PRKD3: variants seen among roughly 807,000 people sequenced by gnomAD.
The protein encoded by PRKD3 is protein kinase D3, also known as serine/threonine-protein kinase D3.
Under a neutral mutation model 99.2 loss-of-function variants are expected in PRKD3, and 47 were observed. The observed-to-expected ratio is 0.47, with a 90% CI of 0.38 to 0.60. The LOEUF (loss-of-function observed/expected upper bound fraction) is 0.60. PRKD3 is among the 20% of genes least tolerant of loss of function. PRKD3 has a pLI of 0.00. For missense variants in PRKD3, 1,019 were observed against 1,088.4 expected (o/e 0.94, Z 0.90); for synonymous variants, 392 against 355.4 (o/e 1.10, Z -1.16).
At chr2:37,292,791 G>T (rs1299407014) in intron 3 of PRKD3, among the ~76,000 whole-genome samples, 1 of 151,802 alleles carries the variant, frequency 6.6e-6, no homozygotes, top group Non-Finnish European at 1.5e-5. Flanking sequence ...GACTACAGTT[G>T]CATGTGACCA....
intron 15 of PRKD3, 150 bp downstream of exon 15, chr2:37,260,073 G>A (rs767117079): frequency 2.9e-6 from 2 of 695,390 alleles, no homozygotes; most frequent in East Asian, 2.8e-5. Context: ...GCTGAGGCAT[G>A]AGAATCACTT....
chr2:37,278,934 CA>C (rs68129967), intron 8 of PRKD3: 95,990 of 135,560 alleles, frequency 0.71, 32,914 homozygotes, highest in East Asian at 0.97. Context: ...GACTCTGTCT[CA>C]AAAAAAAAAA....
At chr2:37,282,704 A>T (rs1669907992) in intron 6 of PRKD3, 85 bp from the exon 7 acceptor site, 6 of 927,318 alleles carry the variant, frequency 6.5e-6, no homozygotes, top group Non-Finnish European at 1.1e-5. Flanking sequence ...ATCACTCACA[A>T]ACAGAATATT....
rs1038605103 is a variant in PRKD3, at chr2:37,283,124, A to T, written c.911-505T>A. Among the ~76,000 whole-genome samples, 58 of 152,316 alleles carry T rather than the reference A, an allele frequency of 3.8e-4. 1 individual carries two copies. The highest frequency in any genetic ancestry group is 3.4e-3 in the Middle Eastern group (1 of 294). On this transcript the variant is annotated intron_variant, in intron 6 of 18. Transcript: ENST00000234179. ...TAATGGTTCTCTTCAGCCTAAAACA[A>T]ACCTCAGAGTTGATAGCATTGCAGA...
At chr2:37,320,698 C>G (rs1340270235) in intron 1 of PRKD3, among the ~76,000 whole-genome samples, 1 of 152,086 alleles carries the variant, frequency 6.6e-6, no homozygotes, top group Non-Finnish European at 1.5e-5. Context: ...TCCCAAAGTG[C>G]TGGGATTACA....
At chr2:37,315,320 G>A (rs942741460) in intron 2 of PRKD3, among the ~76,000 whole-genome samples, 1 of 152,204 alleles carries the variant, frequency 6.6e-6, no homozygotes, top group African/African-American at 2.4e-5. Flanking sequence ...ACGGTACAGG[G>A]AAGGAGGGTG....
intron 2 of PRKD3, among the ~76,000 whole-genome samples, chr2:37,312,123 C>A (rs545585245): frequency 3.3e-4 from 50 of 152,178 alleles, no homozygotes; most frequent in African/African-American, 8.7e-4. Flanking sequence ...TTTAAAAAAG[C>A]TAACCAGGAA....
Position 37,277,892 on chromosome 2 carries a change from C to G in PRKD3, c.1270G>C (p.Val424Leu). The G allele has an allele frequency of 6.2e-7, 1 of 1,613,674 alleles. No individual in the cohort carries two copies. The highest frequency in any genetic ancestry group is 8.5e-7 in the Non-Finnish European group (1 of 1,179,742). ...SSTMVKEGWMVHYTSRDNLRK... is the reference protein window; with the variant it reads ...SSTMVKEGWMLHYTSRDNLRK... Reference sequence around the variant, plus strand: ...AGGTTATCCCTGCTGGTGTAATGGACCATCCACCCTTCCTTCACCATTGTG... The same window carrying G: ...AGGTTATCCCTGCTGGTGTAATGGAGCATCCACCCTTCCTTCACCATTGTG... Residue 424 changes from valine (V) to leucine (L), a missense_variant, in exon 9 of 19, where the codon GTC becomes CTC. Physicochemically the swap from Val to Leu is conservative, Grantham distance 32. This residue lies in a region of PRKD3 where 710 missense variants were observed against 692.7 expected (regional missense o/e 1.02). Coordinates refer to ENST00000234179, the MANE Select transcript of PRKD3 (RefSeq NM_005813.6).
At chr2:37,272,547 A>G in intron 11 of PRKD3, 115 bp from the exon 12 acceptor site, 5 of 1,280,284 alleles carry the variant, frequency 3.9e-6, no homozygotes, top group Non-Finnish European at 5.2e-6. Context: ...AGTTAATACA[A>G]TTATGTACAT....
Position 37,316,444 on chromosome 2 carries a change from A to C in PRKD3, c.81T>G (p.Ser27=), listed in dbSNP as rs1572706982. ...GTCCCGTCTTAGGACTTGAACACGG[A>C]GAAGCAGCTGGAAGCACAGCAGGAA... ...TAIPAVLPAA[S]PCSSPKTGLS... is the part of the protein sequence containing the mutation. The change falls in exon 2 of 19, where the codon TCT becomes TCG. Residue 27 remains serine (S), a synonymous_variant. Transcript: ENST00000234179. 2.5e-6 allele frequency: 4 copies of C among 1,614,264 alleles called. No individual in the cohort carries two copies. The highest frequency in any genetic ancestry group is 3.4e-6 in the Non-Finnish European group (4 of 1,180,048).
chr2:37,275,910 C>T (rs1669543384), intron 9 of PRKD3, 66 bp from the exon 10 acceptor site: 1 of 1,521,710 alleles, frequency 6.6e-7, no homozygotes, highest in African/African-American at 1.4e-5. Context: ...TTGTACCTAA[C>T]TTTTCCCTTC....
chr2:37,319,127 T>C (rs1164071353), intron 1 of PRKD3, among the ~76,000 whole-genome samples: 1 of 152,214 alleles, frequency 6.6e-6, no homozygotes, highest in Non-Finnish European at 1.5e-5. Flanking sequence ...CAACTCATTA[T>C]ATGGTTGAGA....
chr2:37,292,595 C>T (rs2124844980), intron 3 of PRKD3, among the ~76,000 whole-genome samples: 1 of 152,214 alleles, frequency 6.6e-6, no homozygotes, highest in East Asian at 1.9e-4. Context: ...ATCCGCCCGC[C>T]TCGGCCTCCC....
chr2:37,295,305 G>A (rs1448407976), intron 2 of PRKD3, among the ~76,000 whole-genome samples: 2 of 152,030 alleles, frequency 1.3e-5, no homozygotes, highest in Admixed American at 6.6e-5. Flanking sequence ...AATTATAGAA[G>A]GAGGAGGAAT....
chr2:37,309,516 G>T (rs1671323181), intron 2 of PRKD3, among the ~76,000 whole-genome samples: 1 of 152,096 alleles, frequency 6.6e-6, no homozygotes, highest in Non-Finnish European at 1.5e-5. Flanking sequence ...AAAATTATAA[G>T]ATTCTTAAGT....
At chr2:37,271,616 T>C (rs911959242) in intron 12 of PRKD3, among the ~76,000 whole-genome samples, 1 of 152,178 alleles carries the variant, frequency 6.6e-6, no homozygotes, top group African/African-American at 2.4e-5. Context: ...AAGCTCCGCC[T>C]CCTGCCATAT....
intron 2 of PRKD3, among the ~76,000 whole-genome samples, chr2:37,314,266 T>C (rs922893882): frequency 3.3e-5 from 5 of 152,182 alleles, no homozygotes; most frequent in African/African-American, 7.2e-5. Context: ...GAAAAATGAT[T>C]CCCCTGCAAG....
chr2:37,303,522 G>A (rs1160331873), intron 2 of PRKD3, among the ~76,000 whole-genome samples: 1 of 151,928 alleles, frequency 6.6e-6, no homozygotes, highest in Non-Finnish European at 1.5e-5. Context: ...TGCCGCTGTG[G>A]GGCCCTTAGG....
At chr2:37,296,673 A>G (rs1275340471) in intron 2 of PRKD3, among the ~76,000 whole-genome samples, 2 of 152,012 alleles carry the variant, frequency 1.3e-5, no homozygotes, top group Non-Finnish European at 2.9e-5. Context: ...CGCGGCGGGA[A>G]GATCAGGAGG....
Sources: gnomAD v4.1 joint callset for allele counts (sites outside exome capture counted in the v4.1 genomes callset) on GRCh38, gnomAD v4.1.1 for gene constraint, gnomAD v4.1.1 regional missense constraint, MANE v1.5 for transcripts, NCBI Gene and HGNC (gene_info 2026-07-23, HGNC 2026-07-21) for gene names.